YPEL1: variants seen among roughly 807,000 people sequenced by gnomAD.
YPEL1 encodes protein yippee-like 1.
A neutral mutation model predicts 17.3 loss-of-function variants in YPEL1; 7 were observed. That is an observed-to-expected ratio of 0.40 (90% CI 0.23 to 0.76). The LOEUF (loss-of-function observed/expected upper bound fraction) is 0.76. Among genes scored for constraint, YPEL1 ranks in the 30% least tolerant of loss-of-function variants. The pLI, the probability that YPEL1 is intolerant of heterozygous loss-of-function variation, is 0.35. For missense variants in YPEL1, 91 were observed against 155.5 expected, an observed-to-expected ratio of 0.59 and a Z score of 2.21; for synonymous variants, 59 against 59.6, an observed-to-expected ratio of 0.99 and a Z score of 0.05.
Position 21,703,908 on chromosome 22 carries a change from T to G in YPEL1, c.118-26A>C. On this transcript the variant is annotated intron_variant, in intron 2 of 4. Coordinates refer to ENST00000339468, the MANE Select transcript of YPEL1 (RefSeq NM_013313.5). The surrounding 1 kb of genome is among the most constrained non-coding windows in gnomAD (Gnocchi z 6.1). ...CTGAAAGAAGAAGGTCCCGTGAGATTGGCTGCGAGTGCTTTCTGGAACGAA... is the reference window on the plus strand; with the variant it reads ...CTGAAAGAAGAAGGTCCCGTGAGATGGGCTGCGAGTGCTTTCTGGAACGAA... 1 of 1,577,414 alleles carries G rather than the reference T, an allele frequency of 6.3e-7. No individual in the cohort carries two copies. The highest frequency in any genetic ancestry group is 8.6e-7 in the Non-Finnish European group (1 of 1,162,110).
At chr22:21,725,795 C>A (rs776258984) in intron 1 of YPEL1, among the ~76,000 whole-genome samples, 28 of 149,874 alleles carry the variant, frequency 1.9e-4, no homozygotes, top group Admixed American at 7.3e-4. Context: ...GAGTTCGAGA[C>A]CAGCCCAGGC....
chr22:21,733,439 A>G (rs759835947), intron 1 of YPEL1, among the ~76,000 whole-genome samples: 3 of 151,732 alleles, frequency 2.0e-5, no homozygotes, highest in Non-Finnish European at 4.4e-5. Context: ...AAATAAAGTA[A>G]CAAAACAAAA....
At position 21,703,764 on chromosome 22, in the gene YPEL1, A is replaced by C; in HGVS notation, c.161+75T>G. The C allele has an allele frequency of 6.6e-7, 1 of 1,510,690 alleles. No individual in the cohort carries two copies. 93.6% of individuals were successfully genotyped at this position (1,510,690 alleles called of 1,614,324 possible). On this transcript the variant is annotated intron_variant, in intron 3 of 4. Transcript: ENST00000339468. The surrounding 1 kb of genome is among the most constrained non-coding windows in gnomAD (Gnocchi z 6.1). ...CCTAAAGACCCAGGTGATTCTACACAGGGCACTGTGTAGGTGCCATCCAGG... is the reference window on the plus strand; with the variant it reads ...CCTAAAGACCCAGGTGATTCTACACCGGGCACTGTGTAGGTGCCATCCAGG...
intron 1 of YPEL1, among the ~76,000 whole-genome samples, chr22:21,728,812 C>A (rs2068360292): frequency 6.6e-6 from 1 of 152,060 alleles, no homozygotes; most frequent in South Asian, 2.1e-4. Flanking sequence ...GAGTTTGAGA[C>A]CAGCTTGGGC....
chr22:21,724,912 CT>C (rs963204196), intron 1 of YPEL1, among the ~76,000 whole-genome samples: 142 of 141,840 alleles, frequency 1.0e-3, no homozygotes, highest in Admixed American at 9.2e-4. Context: ...CTTTTTCTTT[CT>C]TTTTTTTTTT....
At chr22:21,733,498 C>G (rs1307909842) in intron 1 of YPEL1, among the ~76,000 whole-genome samples, 1 of 151,920 alleles carries the variant, frequency 6.6e-6, no homozygotes, top group African/African-American at 2.4e-5. Flanking sequence ...CTTTGGGAGG[C>G]AAGGGGGGAG....
intron 1 of YPEL1, among the ~76,000 whole-genome samples, chr22:21,720,879 G>A (rs1232081159): frequency 6.9e-6 from 1 of 144,686 alleles, no homozygotes; most frequent in Non-Finnish European, 1.5e-5. Flanking sequence ...TGTGATCTCA[G>A]CTTACTGCAA....
At chr22:21,721,775 A>G (rs979486808) in intron 1 of YPEL1, among the ~76,000 whole-genome samples, 1 of 151,882 alleles carries the variant, frequency 6.6e-6, no homozygotes, top group Non-Finnish European at 1.5e-5. Flanking sequence ...TTTTAAGTGG[A>G]CAGAACATTG....
At chr22:21,705,396 C>A (rs954085610) in intron 2 of YPEL1, among the ~76,000 whole-genome samples, 3 of 152,196 alleles carry the variant, frequency 2.0e-5, no homozygotes, top group Non-Finnish European at 4.4e-5. Flanking sequence ...ATGATGTACG[C>A]TGTCAGATTT....
intron 2 of YPEL1, among the ~76,000 whole-genome samples, chr22:21,709,971 G>A (rs1264136095): frequency 6.6e-6 from 1 of 152,164 alleles, no homozygotes; most frequent in Non-Finnish European, 1.5e-5. Context: ...CCTGAGGATG[G>A]GTGGAGAACA....
intron 1 of YPEL1, among the ~76,000 whole-genome samples, chr22:21,732,008 C>T (rs539384841): frequency 6.6e-6 from 1 of 152,340 alleles, no homozygotes; most frequent in South Asian, 2.1e-4. Context: ...CAAGGCCCTG[C>T]AGGTGCCAGA....
At chr22:21,702,623 AAAC>A (rs909243378) in intron 4 of YPEL1, among the ~76,000 whole-genome samples, 24 of 151,560 alleles carry the variant, frequency 1.6e-4, no homozygotes, top group African/African-American at 5.3e-4. Flanking sequence ...AAAACAAACA[AAAC>A]AACAACAACA....
At chr22:21,706,204 G>A (rs2068114143) in intron 2 of YPEL1, among the ~76,000 whole-genome samples, 1 of 151,400 alleles carries the variant, frequency 6.6e-6, no homozygotes, top group Non-Finnish European at 1.5e-5. Context: ...GCTGAGGCAG[G>A]CAGATCACAA....
chr22:21,733,852 G>A (rs1260873148), intron 1 of YPEL1, among the ~76,000 whole-genome samples: 1 of 152,220 alleles, frequency 6.6e-6, no homozygotes, highest in African/African-American at 2.4e-5. Flanking sequence ...ACAGGTGCTG[G>A]TGGAACTTAG....
Position 21,698,593 on chromosome 22 carries a change from G to T in YPEL1, c.*2536C>A, listed in dbSNP as rs1275317475. ...GGTTCCCACATGGGAGAGGAATGAAGACTCACTCAAAGGGAAGGGTCAGTT... is the reference window on the plus strand; with the variant it reads ...GGTTCCCACATGGGAGAGGAATGAATACTCACTCAAAGGGAAGGGTCAGTT... On this transcript the variant is annotated 3_prime_UTR_variant, in exon 5 of 5. Transcript: ENST00000339468. 6.6e-6 allele frequency: 1 copy of T among 152,344 alleles called. No homozygotes were observed. Among genetic ancestry groups the T allele is most frequent in the Non-Finnish European group, 1.5e-5 (1 of 68,034 alleles). The allele number at this position is 152,344 out of a possible 1,614,324, so 9.4% of individuals were successfully genotyped here.
intron 1 of YPEL1, among the ~76,000 whole-genome samples, chr22:21,722,182 G>T (rs2068290033): frequency 6.6e-6 from 1 of 152,162 alleles, no homozygotes; most frequent in Non-Finnish European, 1.5e-5. Flanking sequence ...ACTTTCGGAG[G>T]CCAAGGCAGG....
At position 21,700,345 on chromosome 22, in the gene YPEL1, C is replaced by T. The variant is rs998636429; in HGVS notation, c.*784G>A. The T allele has an allele frequency of 2.6e-5, 4 of 152,236 alleles. No homozygotes were observed. Among genetic ancestry groups the T allele is most frequent in the African/African-American group, 9.7e-5 (4 of 41,448 alleles). The allele number at this position is 152,236 out of a possible 1,614,324, so 9.4% of individuals were successfully genotyped here. ...TGTTTTAAATTGAGACGGAGTCTCG[C>T]CCTATTGCCAGGCTGGAGTGCAGTG... On this transcript the variant is annotated 3_prime_UTR_variant, in exon 5 of 5. Coordinates refer to ENST00000339468, the MANE Select transcript of YPEL1 (RefSeq NM_013313.5).
At chr22:21,731,274 G>A (rs2068382975) in intron 1 of YPEL1, among the ~76,000 whole-genome samples, 1 of 151,758 alleles carries the variant, frequency 6.6e-6, no homozygotes, top group African/African-American at 2.4e-5. Flanking sequence ...AGCTACTCGG[G>A]AGGCTGAGGT....
chr22:21,723,813 A>C (rs1425738944), intron 1 of YPEL1, among the ~76,000 whole-genome samples: 1 of 151,178 alleles, frequency 6.6e-6, no homozygotes, highest in Admixed American at 6.6e-5. Context: ...CTACAGGTGC[A>C]CGTCATCACG....
Sources: gnomAD v4.1 joint callset for allele counts (sites outside exome capture counted in the v4.1 genomes callset) on GRCh38, gnomAD v4.1.1 for gene constraint, Gnocchi (gnomAD v3.1) non-coding constraint, MANE v1.5 for transcripts, NCBI Gene and HGNC (gene_info 2026-07-23, HGNC 2026-07-21) for gene names.